The following KCNIP1 variants were observed in gnomAD, a reference collection of about 807,000 sequenced individuals.
KCNIP1 encodes the protein potassium voltage-gated channel interacting protein 1.
Under a neutral mutation model 33.0 loss-of-function variants are expected in KCNIP1, and 18 were observed. The observed-to-expected ratio is 0.55, with a 90% confidence interval of 0.38 to 0.81. The LOEUF is 0.81. Ranked by LOEUF, KCNIP1 falls within the 30% of genes least tolerant of loss-of-function variation. KCNIP1 has a pLI of 0.00. For missense variants in KCNIP1, 238 were observed against 271.6 expected (o/e 0.88, Z 0.87); for synonymous variants, 93 against 98.3 (o/e 0.95, Z 0.32).
At chr5:170,393,695 A>G (rs189778411) in intron 1 of KCNIP1, among the ~76,000 whole-genome samples, 1 of 152,352 alleles carries the variant, frequency 6.6e-6, no homozygotes, top group East Asian at 1.9e-4. Flanking sequence ...CGATATTACA[A>G]TTAAATGGTC....
chr5:170,621,631 C>T (rs981838977), intron 1 of KCNIP1, among the ~76,000 whole-genome samples: 1 of 152,244 alleles, frequency 6.6e-6, no homozygotes, highest in Non-Finnish European at 1.5e-5. Flanking sequence ...ACTTCAGCCT[C>T]CCAAGTAGCT....
At chr5:170,511,063 G>A (rs189949492) in intron 1 of KCNIP1, among the ~76,000 whole-genome samples, 1 of 152,278 alleles carries the variant, frequency 6.6e-6, no homozygotes, top group African/African-American at 2.4e-5. Flanking sequence ...ACAAAAATTA[G>A]CCGGGCATGG....
rs183253142 is a variant in KCNIP1, at chr5:170,633,267, G to A, written c.62-85491G>A. Among the ~76,000 whole-genome samples the A allele has an allele frequency of 1.6e-3, 240 of 152,156 alleles. 1 individual carries two copies. The highest frequency in any genetic ancestry group is 5.5e-3 in the African/African-American group (230 of 41,534). ...GGAGGACGCTGGTCAGGGGAGGAGG[G>A]GACCGCGAGAGCGAGAGCGGACATT... On this transcript the variant is annotated intron_variant, in intron 1 of 7. Transcript: ENST00000328939.
intron 1 of KCNIP1, among the ~76,000 whole-genome samples, chr5:170,697,064 C>T (rs561177764): frequency 2.6e-5 from 4 of 152,008 alleles, no homozygotes; most frequent in African/African-American, 4.8e-5. Context: ...CCTCCTCCTC[C>T]TCTCCCTCTC....
intron 1 of KCNIP1, among the ~76,000 whole-genome samples, chr5:170,404,177 G>C (rs1254042336): frequency 6.6e-6 from 1 of 152,196 alleles, no homozygotes; most frequent in Non-Finnish European, 1.5e-5. Context: ...TCAGGTTTTA[G>C]TTTTTAAAAT....
chr5:170,565,235 G>A (rs1311207067), intron 1 of KCNIP1, among the ~76,000 whole-genome samples: 2 of 152,078 alleles, frequency 1.3e-5, no homozygotes, highest in Non-Finnish European at 1.5e-5. Context: ...TAGAGATGGG[G>A]ACAGCTAGTT....
chr5:170,592,304 A>G (rs1409963587), intron 1 of KCNIP1, among the ~76,000 whole-genome samples: 3 of 152,150 alleles, frequency 2.0e-5, no homozygotes, highest in African/African-American at 7.2e-5. Flanking sequence ...CTCTACTCAT[A>G]CTTTTGTAAA....
At chr5:170,454,891 A>C (rs1756337507) in intron 1 of KCNIP1, among the ~76,000 whole-genome samples, 1 of 152,214 alleles carries the variant, frequency 6.6e-6, no homozygotes, top group Non-Finnish European at 1.5e-5. Flanking sequence ...TGTTCTTAAA[A>C]AAAGAAGAGA....
chr5:170,451,772 T>G (rs1756260307), intron 1 of KCNIP1, among the ~76,000 whole-genome samples: 1 of 148,052 alleles, frequency 6.8e-6, no homozygotes, highest in Non-Finnish European at 1.5e-5. Context: ...TGTGTGTGTT[T>G]GCAGGGGGAA....
chr5:170,583,091 G>A (rs2113523416), intron 1 of KCNIP1, among the ~76,000 whole-genome samples: 1 of 152,266 alleles, frequency 6.6e-6, no homozygotes, highest in Non-Finnish European at 1.5e-5. Context: ...AATGGAGGAG[G>A]GAAAACCAGG....
chr5:170,661,967 T>C (rs1425361316), intron 1 of KCNIP1, among the ~76,000 whole-genome samples: 1 of 152,154 alleles, frequency 6.6e-6, no homozygotes, highest in Non-Finnish European at 1.5e-5. Context: ...AGTCACTCCT[T>C]GTCTCCAGGC....
intron 1 of KCNIP1, among the ~76,000 whole-genome samples, chr5:170,480,210 C>A (rs186117508): frequency 1.3e-5 from 2 of 152,242 alleles, no homozygotes; most frequent in South Asian, 4.1e-4. Context: ...AGAGTCAATG[C>A]GATCGTTTCC....
chr5:170,380,180 C>G (rs1300271058), intron 1 of KCNIP1, among the ~76,000 whole-genome samples: 1 of 152,114 alleles, frequency 6.6e-6, no homozygotes, highest in Admixed American at 6.5e-5. Flanking sequence ...CAGATGAGGC[C>G]AGCTGGAAAG....
intron 1 of KCNIP1, chr5:170,669,530 G>C: frequency 1.0e-6 from 1 of 985,244 alleles, no homozygotes; most frequent in Non-Finnish European, 1.2e-6. Context: ...TGAAAGGACA[G>C]ATGGATGGAT....
intron 1 of KCNIP1, among the ~76,000 whole-genome samples, chr5:170,564,944 T>G (rs1757155570): frequency 6.6e-6 from 1 of 152,132 alleles, no homozygotes. Context: ...TGACTTAGCT[T>G]GTAAGAAAGA....
At chr5:170,452,178 T>A (rs1756271419) in intron 1 of KCNIP1, among the ~76,000 whole-genome samples, 1 of 152,228 alleles carries the variant, frequency 6.6e-6, no homozygotes, top group African/African-American at 2.4e-5. Context: ...ACGCACTGTG[T>A]GGTGCTTGCA....
chr5:170,626,637 G>A (rs147038513), intron 1 of KCNIP1, among the ~76,000 whole-genome samples: 7 of 152,064 alleles, frequency 4.6e-5, no homozygotes, highest in Non-Finnish European at 7.4e-5. Flanking sequence ...TGCTGACTCC[G>A]GGGCCCCAGG....
intron 1 of KCNIP1, among the ~76,000 whole-genome samples, chr5:170,658,086 G>A (rs889938197): frequency 2.6e-4 from 40 of 152,170 alleles, no homozygotes; most frequent in Admixed American, 6.5e-5. Context: ...ATCAGTATAA[G>A]CAAATACTCA....
chr5:170,637,738 G>T (rs1423945949), intron 1 of KCNIP1, among the ~76,000 whole-genome samples: 1 of 152,026 alleles, frequency 6.6e-6, no homozygotes, highest in African/African-American at 2.4e-5. Context: ...TGCTCCTCCT[G>T]TTCGCGCTAC....
Sources: allele counts gnomAD v4.1 joint callset (sites outside exome capture counted in the v4.1 genomes callset), GRCh38; gene constraint gnomAD v4.1.1; transcripts MANE v1.5; gene names NCBI Gene and HGNC (gene_info 2026-07-23, HGNC 2026-07-21).